ANKS1B: variants seen among roughly 807,000 people sequenced by gnomAD.
The protein encoded by ANKS1B is ankyrin repeat and sterile alpha motif domain containing 1B.
ANKS1B carries 36 observed loss-of-function variants against 148.3 expected under a neutral mutation model. That is an observed-to-expected ratio of 0.24 (90% CI 0.19 to 0.32). ANKS1B has a LOEUF of 0.32. Among genes scored for constraint, ANKS1B ranks in the 10% least tolerant of loss-of-function variants. The pLI is 1.00. For synonymous variants in ANKS1B, 542 were observed against 560.8 expected (o/e 0.97, Z 0.47); for missense variants, 1,157 against 1,542.6 (o/e 0.75, Z 4.19).
At position 99,772,720 on chromosome 12, in the gene ANKS1B, T is replaced by C. The variant is rs74355386; in HGVS notation, c.1128+202A>G. 943 of 411,006 alleles carry C rather than the reference T, an allele frequency of 2.3e-3. 11 individuals are homozygous for C. The highest frequency in any genetic ancestry group is 0.017 in the African/African-American group (844 of 48,732). The allele number at this position is 411,006 out of a possible 1,614,324, so 25.5% of individuals were successfully genotyped here. A position where few individuals can be genotyped will look rare whatever the true frequency, so the allele number is the denominator to read the frequency against. Reference sequence around the variant, plus strand: ...AAAGAGTCTAAAAGTAGAGAGACCATGAAGTGATCTGTCAAAGCACTCCTT... The same window carrying C: ...AAAGAGTCTAAAAGTAGAGAGACCACGAAGTGATCTGTCAAAGCACTCCTT... On this transcript the variant is annotated intron_variant, in intron 8 of 26. Coordinates refer to ENST00000683438, the MANE Select transcript of ANKS1B (RefSeq NM_001352186.2).
intron 8 of ANKS1B, among the ~76,000 whole-genome samples, chr12:99,747,605 G>A (rs995866401): frequency 1.3e-5 from 2 of 151,916 alleles, no homozygotes; most frequent in African/African-American, 4.8e-5. Context: ...TAAAATTCTT[G>A]TTGGATCCCT....
chr12:99,974,559 C>T (rs559132851), intron 1 of ANKS1B, among the ~76,000 whole-genome samples: 46 of 152,122 alleles, frequency 3.0e-4, no homozygotes, highest in Non-Finnish European at 5.1e-4. Context: ...AGTCAAATCC[C>T]TTCCCCTTCA....
chr12:99,111,097 G>A (rs545386054), intron 15 of ANKS1B, among the ~76,000 whole-genome samples: 3 of 152,284 alleles, frequency 2.0e-5, no homozygotes, highest in Non-Finnish European at 4.4e-5. Context: ...ATTCCACCTG[G>A]TGTCCTCAGC....
intron 9 of ANKS1B, among the ~76,000 whole-genome samples, chr12:99,621,932 C>A (rs1194472456): frequency 6.6e-6 from 1 of 151,888 alleles, no homozygotes; most frequent in Non-Finnish European, 1.5e-5. Context: ...AATACTCCAC[C>A]CATGAACCAC....
intron 25 of ANKS1B, among the ~76,000 whole-genome samples, chr12:98,755,301 T>C (rs2098209272): frequency 6.6e-6 from 1 of 152,206 alleles, no homozygotes; most frequent in Admixed American, 6.5e-5. Flanking sequence ...GAAAATTATA[T>C]TGTAACATCA....
At chr12:99,349,524 A>G (rs2091153171) in intron 12 of ANKS1B, among the ~76,000 whole-genome samples, 1 of 151,974 alleles carries the variant, frequency 6.6e-6, no homozygotes, top group African/African-American at 2.4e-5. Flanking sequence ...AAAAAGCTGG[A>G]GTGGCCACAC....
intron 12 of ANKS1B, among the ~76,000 whole-genome samples, chr12:99,358,290 T>C (rs940374619): frequency 6.6e-6 from 1 of 152,148 alleles, no homozygotes. Flanking sequence ...GACCCATACT[T>C]CATTCAATGT....
chr12:98,777,195 A>AAAAAC (rs778141308), intron 24 of ANKS1B, among the ~76,000 whole-genome samples: 2 of 152,262 alleles, frequency 1.3e-5, no homozygotes, highest in African/African-American at 2.4e-5. Context: ...CCTGTCTCTT[A>AAAAAC]AAAACAAAAC....
chr12:98,987,083 T>C (rs1211959342), intron 17 of ANKS1B, among the ~76,000 whole-genome samples: 1 of 151,990 alleles, frequency 6.6e-6, no homozygotes, highest in East Asian at 1.9e-4. Flanking sequence ...CCAGAATTGG[T>C]ATAAAAGTAT....
At chr12:99,561,022 A>C (rs1252096039) in intron 9 of ANKS1B, among the ~76,000 whole-genome samples, 1 of 150,962 alleles carries the variant, frequency 6.6e-6, no homozygotes, top group Admixed American at 6.6e-5. Flanking sequence ...AATTTTTTGT[A>C]TTTTTAGTAG....
At chr12:99,615,016 C>G (rs771009724) in intron 9 of ANKS1B, among the ~76,000 whole-genome samples, 3 of 150,844 alleles carry the variant, frequency 2.0e-5, no homozygotes, top group African/African-American at 7.3e-5. Context: ...TTACTTCTTA[C>G]GCAATGATTC....
chr12:99,530,571 A>T (rs1004248673), intron 9 of ANKS1B, among the ~76,000 whole-genome samples: 1 of 152,240 alleles, frequency 6.6e-6, no homozygotes, highest in African/African-American at 2.4e-5. Flanking sequence ...GTATTAAAAA[A>T]ATCAGCAAAA....
At chr12:99,303,373 G>A (rs1030632303) in intron 12 of ANKS1B, among the ~76,000 whole-genome samples, 2 of 151,932 alleles carry the variant, frequency 1.3e-5, no homozygotes, top group Admixed American at 6.6e-5. Context: ...TCCCATTTGA[G>A]GCTCTAGTGA....
chr12:99,757,527 C>T (rs554585930), intron 8 of ANKS1B, among the ~76,000 whole-genome samples: 5 of 151,886 alleles, frequency 3.3e-5, no homozygotes, highest in Admixed American at 6.6e-5. Flanking sequence ...GAAGACAGTA[C>T]GGTGATTCCT....
At chr12:99,898,390 A>T (rs1001300276) in intron 1 of ANKS1B, among the ~76,000 whole-genome samples, 1 of 152,172 alleles carries the variant, frequency 6.6e-6, no homozygotes, top group African/African-American at 2.4e-5. Flanking sequence ...GATGTCCTCC[A>T]AACAGGACTT....
chr12:99,269,925 A>C (rs1026780738), intron 12 of ANKS1B, among the ~76,000 whole-genome samples: 2 of 152,190 alleles, frequency 1.3e-5, no homozygotes, highest in Admixed American at 6.5e-5. Flanking sequence ...TAACTGACTG[A>C]GCCATTGTTC....
intron 25 of ANKS1B, among the ~76,000 whole-genome samples, chr12:98,759,330 C>T (rs1592899076): frequency 6.6e-6 from 1 of 152,136 alleles, no homozygotes; most frequent in Non-Finnish European, 1.5e-5. Context: ...AGTCCCATGC[C>T]TAGCCTATAG....
At chr12:98,811,024 C>G (rs2099091042) in intron 19 of ANKS1B, among the ~76,000 whole-genome samples, 1 of 151,596 alleles carries the variant, frequency 6.6e-6, no homozygotes, top group African/African-American at 2.4e-5. Context: ...GAGGAAGAAA[C>G]AGGAAAAGGA....
At chr12:98,972,149 C>T (rs2099883665) in intron 17 of ANKS1B, among the ~76,000 whole-genome samples, 1 of 151,988 alleles carries the variant, frequency 6.6e-6, no homozygotes. Flanking sequence ...GCCTGGGCAA[C>T]ACAGCGAGAC....
Sources: allele counts gnomAD v4.1 joint callset (sites outside exome capture counted in the v4.1 genomes callset), GRCh38; gene constraint gnomAD v4.1.1; transcripts MANE v1.5; gene names NCBI Gene and HGNC (gene_info 2026-07-23, HGNC 2026-07-21).